DSCAM: variants seen among roughly 807,000 people sequenced by gnomAD.
DSCAM encodes cell adhesion molecule DSCAM.
A neutral mutation model predicts 217.7 loss-of-function variants in DSCAM; 47 were observed. The ratio of observed to expected loss-of-function variants is 0.22; its 90% CI spans 0.17 to 0.28. The LOEUF (loss-of-function observed/expected upper bound fraction) is 0.28, where lower values mean the gene tolerates loss of function less well. Among genes scored for constraint, DSCAM ranks in the 10% least tolerant of loss-of-function variants. The pLI, the probability that DSCAM is intolerant of heterozygous loss-of-function variation, is 1.00. For synonymous variants in DSCAM, 1,056 were observed against 1,015.3 expected, an observed-to-expected ratio of 1.04 and a Z score of -0.76; for missense variants, 2,080 against 2,618.3, an observed-to-expected ratio of 0.79 and a Z score of 4.49.
At chr21:40,465,646 G>A (rs985400073) in intron 3 of DSCAM, among the ~76,000 whole-genome samples, 7 of 152,196 alleles carry the variant, frequency 4.6e-5, no homozygotes, top group Admixed American at 4.6e-4. Flanking sequence ...TAAAACATGA[G>A]ACATTTTTGC....
chr21:40,617,328 G>T (rs1480284177), intron 3 of DSCAM, among the ~76,000 whole-genome samples: 3 of 151,904 alleles, frequency 2.0e-5, no homozygotes, highest in Admixed American at 1.3e-4. Context: ...GTTTCACCAT[G>T]TTAGCCAGGA....
At chr21:40,075,408 A>G (rs966553803) in intron 26 of DSCAM, among the ~76,000 whole-genome samples, 195 bp from the exon 27 acceptor site, 10 of 152,144 alleles carry the variant, frequency 6.6e-5, no homozygotes, top group Admixed American at 2.6e-4. Context: ...TGAACTTCCA[A>G]CTTATTCTAT....
chr21:40,630,093 G>T (rs1328956111), intron 3 of DSCAM, among the ~76,000 whole-genome samples: 1 of 152,146 alleles, frequency 6.6e-6, no homozygotes, highest in African/African-American at 2.4e-5. Flanking sequence ...AGGTGTGGTG[G>T]CCAGGAAAGC....
chr21:40,425,368 A>G lies in DSCAM; in HGVS notation c.509-56123T>C, dbSNP rs368481099. On this transcript the variant is annotated intron_variant, in intron 3 of 32. Coordinates refer to ENST00000400454, the MANE Select transcript of DSCAM (RefSeq NM_001389.5). ...TGGTGAAACCCCGTCTCTACTAAAA[A>G]TAACAAAAATTATGAGTGAGAACAT... is the stretch of plus-strand genomic sequence containing the variant. Among the ~76,000 whole-genome samples, 20 of 152,330 alleles carry G rather than the reference A, an allele frequency of 1.3e-4. No individual in the cohort carries two copies. In the South Asian group the frequency reaches 2.7e-3, roughly 21 times the overall value.
Position 40,187,220 on chromosome 21 carries a change from T to G in DSCAM, c.2690A>C (p.Lys897Thr). Reference sequence around the variant, plus strand: ...CCACCTGAGCGTAATTGTGCGTGCTTTGACATCTTTGATCTCAATTTCGGG... The same window carrying G: ...CCACCTGAGCGTAATTGTGCGTGCTGTGACATCTTTGATCTCAATTTCGGG... ...DPPEIEIKDV[K>T]ARTITLRWTM... is the part of the protein sequence containing the mutation. Residue 897 changes from lysine to threonine, a missense_variant, in exon 14 of 33, where the codon AAA becomes ACA. Physicochemically the swap from Lys to Thr is moderately conservative, Grantham distance 78. Coordinates refer to ENST00000400454, the MANE Select transcript of DSCAM (RefSeq NM_001389.5). 1 of 1,614,130 alleles carries G rather than the reference T, an allele frequency of 6.2e-7. No homozygotes were observed. Among genetic ancestry groups the G allele is most frequent in the Non-Finnish European group, 8.5e-7 (1 of 1,179,984 alleles).
chr21:40,257,265 C>T (rs2073385147), intron 11 of DSCAM, among the ~76,000 whole-genome samples: 1 of 152,226 alleles, frequency 6.6e-6, no homozygotes, highest in African/African-American at 2.4e-5. Context: ...CTCCTGCACA[C>T]TTTAGGTGCC....
intron 20 of DSCAM, among the ~76,000 whole-genome samples, chr21:40,097,476 GCAA>G (rs1421369913): frequency 6.6e-6 from 1 of 152,000 alleles, no homozygotes; most frequent in Non-Finnish European, 1.5e-5. Flanking sequence ...ACTGACAAGG[GCAA>G]CAAGTAGCAC....
chr21:40,210,861 A>G (rs1244736819), intron 11 of DSCAM, among the ~76,000 whole-genome samples: 1 of 152,022 alleles, frequency 6.6e-6, no homozygotes, highest in Non-Finnish European at 1.5e-5. Flanking sequence ...ATTATTTTTA[A>G]CCCACATTCA....
intron 3 of DSCAM, among the ~76,000 whole-genome samples, chr21:40,413,672 A>G (rs975831588): frequency 2.6e-5 from 4 of 152,228 alleles, no homozygotes; most frequent in African/African-American, 9.6e-5. Flanking sequence ...GAATAAGAAC[A>G]AAGTGAAAGG....
chr21:40,144,627 G>A lies in DSCAM; in HGVS notation c.3123C>T (p.Asp1041=), dbSNP rs572624127. Residue 1041 remains aspartate, a synonymous_variant, in exon 17 of 33, where the codon GAC becomes GAT. Coordinates refer to ENST00000400454, the MANE Select transcript of DSCAM (RefSeq NM_001389.5). The surrounding 1 kb of genome is among the most constrained non-coding windows in gnomAD (Gnocchi z 4.8). ...TGTAAACCTCACTGTCCCCGCTGGT[G>A]TCGACACTGATAATGTTGAATTGGA... ...GNFQFNIISV[D]TSGDSEVYTL... 1.1e-5 allele frequency: 17 copies of A among 1,614,170 alleles called. No homozygotes were observed. In the African/African-American group the frequency reaches 2.0e-4, roughly 19 times the overall value.
Position 40,012,932 on chromosome 21 carries a change from C to G in DSCAM, c.*102G>C. On this transcript the variant is annotated 3_prime_UTR_variant, in exon 33 of 33. Transcript: ENST00000400454. ...CTTTTTTTTTTTTAATATATTTTGG[C>G]AATTTTCTTTAATTATAAATATTGG... 1 of 854,550 alleles carries G rather than the reference C, an allele frequency of 1.2e-6. No homozygotes were observed. Among genetic ancestry groups the G allele is most frequent in the Non-Finnish European group, 1.6e-6 (1 of 632,328 alleles). The allele number at this position is 854,550 out of a possible 1,614,324, so 52.9% of individuals were successfully genotyped here.
chr21:40,400,440 G>A (rs2075223087), intron 3 of DSCAM, among the ~76,000 whole-genome samples: 2 of 152,178 alleles, frequency 1.3e-5, no homozygotes, highest in Admixed American at 1.3e-4. Flanking sequence ...ATATGTAGAT[G>A]GAAAATAAAG....
chr21:40,695,992 C>T (rs2090590727), intron 2 of DSCAM, among the ~76,000 whole-genome samples: 1 of 152,030 alleles, frequency 6.6e-6, no homozygotes, highest in Non-Finnish European at 1.5e-5. Context: ...GCCCCGAAGA[C>T]AGGGGTGCAG....
intron 3 of DSCAM, among the ~76,000 whole-genome samples, chr21:40,494,691 T>C (rs2076103504): frequency 6.6e-6 from 1 of 151,646 alleles, no homozygotes; most frequent in South Asian, 2.1e-4. Flanking sequence ...AAAGTTACAC[T>C]TCAAGGAACA....
intron 1 of DSCAM, among the ~76,000 whole-genome samples, chr21:40,748,426 C>T (rs116456512): frequency 1.7e-3 from 255 of 152,002 alleles, no homozygotes; most frequent in African/African-American, 5.9e-3. Flanking sequence ...GTAGTGTTTG[C>T]TATATGCCAA....
intron 1 of DSCAM, among the ~76,000 whole-genome samples, chr21:40,749,387 ATAAT>A (rs891473062): frequency 4.6e-5 from 7 of 152,166 alleles, no homozygotes; most frequent in Non-Finnish European, 8.8e-5. Context: ...AAAAAAGCAA[ATAAT>A]TAAATTTAAA....
intron 3 of DSCAM, among the ~76,000 whole-genome samples, chr21:40,409,317 T>C (rs368995006): frequency 6.6e-6 from 1 of 152,354 alleles, no homozygotes; most frequent in South Asian, 2.1e-4. Flanking sequence ...ACTTGAGTCA[T>C]GGTCAAAATA....
At chr21:40,215,429 A>AG (rs2091233882) in intron 11 of DSCAM, among the ~76,000 whole-genome samples, 1 of 151,918 alleles carries the variant, frequency 6.6e-6, no homozygotes, top group African/African-American at 2.4e-5. Flanking sequence ...CTAAAAAAAA[A>AG]CAAAAAGAAA....
chr21:40,255,527 T>C (rs2073359026), intron 11 of DSCAM, among the ~76,000 whole-genome samples: 1 of 152,224 alleles, frequency 6.6e-6, no homozygotes, highest in African/African-American at 2.4e-5. Context: ...TGAAGGTTGC[T>C]AATTAACTGA....
Sources: allele counts gnomAD v4.1 joint callset (sites outside exome capture counted in the v4.1 genomes callset), GRCh38; gene constraint gnomAD v4.1.1; non-coding constraint Gnocchi (gnomAD v3.1); transcripts MANE v1.5; gene names NCBI Gene and HGNC (gene_info 2026-07-23, HGNC 2026-07-21).